The following FTCDNL1 variants were observed in gnomAD, a reference collection of about 807,000 sequenced individuals.
The protein encoded by FTCDNL1 is formiminotransferase cyclodeaminase N-terminal like, also known as formiminotransferase N-terminal subdomain-containing protein.
A neutral mutation model predicts 5.9 loss-of-function variants in FTCDNL1; 11 were observed. That is an observed-to-expected ratio of 1.87 (90% CI 1.18 to 3.10). The LOEUF is 3.10. Among genes scored for constraint, FTCDNL1 ranks in the 30% most tolerant of loss-of-function variants. The pLI is 0.00. For synonymous variants in FTCDNL1, 58 were observed against 24.8 expected (o/e 2.34, Z -3.99); for missense variants, 115 against 65.5 (o/e 1.76, Z -2.61).
At chr2:199,739,281 C>A in the FTCDNL1 span, among the ~76,000 whole-genome samples, 1 of 152,150 alleles carries the variant, frequency 6.6e-6, no homozygotes, top group Non-Finnish European at 1.5e-5. Context: ...CTTTCCCTAC[C>A]CTCTACCACT....
chr2:199,753,358 G>A, the FTCDNL1 span, among the ~76,000 whole-genome samples: 14 of 152,330 alleles, frequency 9.2e-5, no homozygotes, highest in African/African-American at 3.4e-4. Flanking sequence ...GGTGCAGCAG[G>A]GGACAGCGGA....
chr2:199,736,774 T>C, the FTCDNL1 span, among the ~76,000 whole-genome samples: 365 of 152,308 alleles, frequency 2.4e-3, 2 homozygotes, highest in Non-Finnish European at 4.9e-3. Flanking sequence ...CTACACAGCC[T>C]CAAAAGACGC....
At chr2:199,784,368 C>T (rs1013902336) in intron 3 of FTCDNL1, among the ~76,000 whole-genome samples, 2 of 152,198 alleles carry the variant, frequency 1.3e-5, no homozygotes, top group Admixed American at 1.3e-4. Context: ...TGCACCAAGA[C>T]TGTATGCCAG....
intron 3 of FTCDNL1, among the ~76,000 whole-genome samples, chr2:199,779,317 T>C (rs1332644338): frequency 6.6e-6 from 1 of 152,230 alleles, no homozygotes; most frequent in Non-Finnish European, 1.5e-5. Context: ...ACTTCCCAAA[T>C]TTACTGGACC....
At chr2:199,845,238 G>A (rs1470784895) in intron 3 of FTCDNL1, among the ~76,000 whole-genome samples, 3 of 152,082 alleles carry the variant, frequency 2.0e-5, no homozygotes, top group African/African-American at 4.8e-5. Context: ...AGAGGAAAAA[G>A]CAGATTTTTA....
In FTCDNL1 at chr2:199,792,056, C is replaced by T. The variant is rs150729663; in HGVS notation, c.212-31221G>A. On this transcript the variant is annotated intron_variant, in intron 3 of 3. Coordinates refer to the FTCDNL1 transcript ENST00000416668. ...CCACTATGAATTTTGTCTTTTCCTC[C>T]GTTTTGCCTTATCCATTCAATTTTA... Among the ~76,000 whole-genome samples, 15 of 151,842 alleles carry T rather than the reference C, an allele frequency of 9.9e-5. No individual in the cohort carries two copies. In the East Asian group the frequency reaches 2.1e-3, roughly 21 times the overall value.
chr2:199,826,185 T>C (rs1203579330), intron 3 of FTCDNL1, among the ~76,000 whole-genome samples: 1 of 152,154 alleles, frequency 6.6e-6, no homozygotes, highest in Non-Finnish European at 1.5e-5. Context: ...ACAAAGGAGA[T>C]TCTTTAATCT....
chr2:199,701,596 T>C, the FTCDNL1 span, among the ~76,000 whole-genome samples: 3 of 152,200 alleles, frequency 2.0e-5, no homozygotes, highest in Middle Eastern at 3.2e-3. Context: ...AAGGAAATGT[T>C]GTATATATAC....
the FTCDNL1 span, among the ~76,000 whole-genome samples, chr2:199,684,363 A>G: frequency 1.3e-5 from 2 of 152,206 alleles, no homozygotes; most frequent in Non-Finnish European, 2.9e-5. Flanking sequence ...AGATGGCGCT[A>G]TAAATACCCT....
the FTCDNL1 span, among the ~76,000 whole-genome samples, chr2:199,709,080 G>A: frequency 1.4e-4 from 22 of 152,134 alleles, no homozygotes; most frequent in Non-Finnish European, 2.6e-4. Context: ...TTGGAATCCC[G>A]ATACTATACT....
At chr2:199,748,417 C>G in the FTCDNL1 span, among the ~76,000 whole-genome samples, 1 of 152,138 alleles carries the variant, frequency 6.6e-6, no homozygotes, top group Non-Finnish European at 1.5e-5. Context: ...GTCTTACCAG[C>G]CCCTCAAGTA....
At chr2:199,829,197 T>C (rs942625307) in intron 3 of FTCDNL1, among the ~76,000 whole-genome samples, 8 of 152,206 alleles carry the variant, frequency 5.3e-5, no homozygotes, top group African/African-American at 1.7e-4. Context: ...AGGTTATTTT[T>C]TTCCCCCAAT....
intron 3 of FTCDNL1, among the ~76,000 whole-genome samples, chr2:199,842,991 G>A (rs920258898): frequency 1.3e-5 from 2 of 151,658 alleles, no homozygotes; most frequent in African/African-American, 4.8e-5. Flanking sequence ...ATGAACAGCT[G>A]TGTAGAAAAG....
At chr2:199,695,284 G>T in the FTCDNL1 span, among the ~76,000 whole-genome samples, 1 of 152,098 alleles carries the variant, frequency 6.6e-6, no homozygotes. Flanking sequence ...TTATCAAAGG[G>T]AGCTTTTATT....
chr2:199,811,640 T>C lies in FTCDNL1; in HGVS notation c.*1065A>G, dbSNP rs1203316888. The stretch of plus-strand genomic sequence containing the variant: ...CACTTTCAAAGGAAGTTCCTGCATG[T>C]GGACTTGGGGCTTTCCCCATGACAT... On this transcript the variant is annotated 3_prime_UTR_variant, in exon 5 of 5. Transcript: ENST00000420128. 2.0e-5 allele frequency among the ~76,000 whole-genome samples: 3 copies of C among 152,266 alleles called. No individual in the cohort carries two copies. The highest frequency in any genetic ancestry group is 4.4e-5 in the Non-Finnish European group (3 of 68,044).
At chr2:199,699,947 T>C in the FTCDNL1 span, among the ~76,000 whole-genome samples, 4 of 152,134 alleles carry the variant, frequency 2.6e-5, 1 homozygote, top group Non-Finnish European at 5.9e-5. Flanking sequence ...AACACCATAC[T>C]GAATGAGCAA....
At chr2:199,725,016 A>T in the FTCDNL1 span, among the ~76,000 whole-genome samples, 1 of 152,160 alleles carries the variant, frequency 6.6e-6, no homozygotes, top group Non-Finnish European at 1.5e-5. Context: ...CAGGCGTCTA[A>T]GTCTCTTTGT....
chr2:199,735,465 C>CT, the FTCDNL1 span, among the ~76,000 whole-genome samples: 3,619 of 148,910 alleles, frequency 0.024, 145 homozygotes, highest in African/African-American at 0.082. Flanking sequence ...TATTACCCTG[C>CT]TTTTTTTTTT....
At chr2:199,774,205 G>A (rs1403817335) in intron 3 of FTCDNL1, among the ~76,000 whole-genome samples, 1 of 152,138 alleles carries the variant, frequency 6.6e-6, no homozygotes, top group African/African-American at 2.4e-5. Flanking sequence ...GTGTTAGAAG[G>A]TGCAAATGCA....
Sources: allele counts gnomAD v4.1 joint callset (sites outside exome capture counted in the v4.1 genomes callset), GRCh38; gene constraint gnomAD v4.1.1; transcripts MANE v1.5; gene names NCBI Gene and HGNC (gene_info 2026-07-23, HGNC 2026-07-21).